APPL1: variants seen among roughly 807,000 people sequenced by gnomAD.
APPL1 encodes the protein DCC-interacting protein 13-alpha.
A neutral mutation model predicts 106.8 loss-of-function variants in APPL1; 42 were observed. The observed-to-expected ratio is 0.39, with a 90% CI of 0.31 to 0.51. The LOEUF (loss-of-function observed/expected upper bound fraction) is 0.51, where lower values mean the gene tolerates loss of function less well. APPL1 is among the 20% of genes least tolerant of loss of function. The pLI is 0.75. For synonymous variants in APPL1, 263 were observed against 281.8 expected (o/e 0.93, Z 0.67); for missense variants, 769 against 858.2 (o/e 0.90, Z 1.30).
intron 11 of APPL1, among the ~76,000 whole-genome samples, chr3:57,250,590 A>G (rs1160326229): frequency 3.9e-5 from 6 of 152,146 alleles, no homozygotes; most frequent in African/African-American, 1.4e-4. Context: ...TTGCCTTCCA[A>G]TTTTTAACTT....
chr3:57,264,569 A>T (rs897807464), intron 19 of APPL1, among the ~76,000 whole-genome samples: 14 of 146,524 alleles, frequency 9.6e-5, no homozygotes, highest in African/African-American at 3.5e-4. Flanking sequence ...AATTTAAAAA[A>T]AAATAAAAAA....
In APPL1 at chr3:57,240,525, A is replaced by G. The variant is rs760903564; in HGVS notation, c.346A>G (p.Thr116Ala). Residue 116 changes from threonine (T) to alanine (A), a missense_variant, in exon 5 of 22, where the codon ACC becomes GCC. Coordinates refer to ENST00000288266, the MANE Select transcript of APPL1 (RefSeq NM_012096.3). ...QLADAMMFPITQFKERDLKEI... is the reference protein window; with the variant it reads ...QLADAMMFPIAQFKERDLKEI... The stretch of plus-strand genomic sequence containing the variant: ...TGCTGATGCCATGATGTTCCCCATT[A>G]CCCAGTTTAAAGAAAGAGATCTGAA... The G allele has an allele frequency of 6.2e-7, 1 of 1,613,696 alleles. No homozygotes were observed. Among genetic ancestry groups the G allele is most frequent in the African/African-American group, 1.3e-5 (1 of 74,888 alleles).
chr3:57,259,875 G>T lies in APPL1; in HGVS notation c.1514G>T (p.Arg505Leu), dbSNP rs1356993102. Reference protein sequence around the residue: ...DSILHQLFIVRFLGSMEVKSD... With the variant: ...DSILHQLFIVLFLGSMEVKSD... ...ATTCTTCATCAGTTATTTATTGTCC[G>T]ATTCCTTGGTTCAATGGAGGTGAAA... The change falls in exon 17 of 22, where the codon CGA becomes CTA. Residue 505 changes from arginine to leucine, a missense_variant. Transcript: ENST00000288266. The T allele has an allele frequency of 1.2e-6, 2 of 1,607,242 alleles. No homozygotes were observed. The highest frequency in any genetic ancestry group is 1.7e-6 in the Non-Finnish European group (2 of 1,178,170).
Position 57,248,211 on chromosome 3 carries a change from C to G in APPL1, c.723C>G (p.Asp241Glu). The G allele has an allele frequency of 1.2e-6, 2 of 1,612,314 alleles. No individual in the cohort carries two copies. Among genetic ancestry groups the G allele is most frequent in the Non-Finnish European group, 1.7e-6 (2 of 1,179,074 alleles). The change falls in exon 10 of 22, where the codon GAC (aspartate) becomes GAG (glutamate). Residue 241 changes from aspartate to glutamate, a missense_variant. Physicochemically the swap from Asp to Glu is conservative, Grantham distance 45. Transcript: ENST00000288266. ...GTGTCAGTGTTCGCAGGGAAATGGACAGTGATATAGAGACCATGCAACAGA... is the reference window on the plus strand; with the variant it reads ...GTGTCAGTGTTCGCAGGGAAATGGAGAGTGATATAGAGACCATGCAACAGA... ...TSVQNVRREM[D>E]SDIETMQQTI...
chr3:57,267,592 T>G (rs538211187), intron 19 of APPL1, 150 bp from the exon 20 acceptor site: 5 of 669,258 alleles, frequency 7.5e-6, no homozygotes, highest in Non-Finnish European at 1.3e-5. Flanking sequence ...AAGCCTTGGT[T>G]TGGGGGCTTG....
chr3:57,247,303 C>G (rs967514942), intron 8 of APPL1, 92 bp from the exon 9 acceptor site: 1 of 678,778 alleles, frequency 1.5e-6, no homozygotes, highest in African/African-American at 1.9e-5. Context: ...TTTACTTAAC[C>G]ATGTGTCTTA....
intron 14 of APPL1, 34 bp downstream of exon 14, chr3:57,257,085 G>C: frequency 6.2e-7 from 1 of 1,600,134 alleles, no homozygotes; most frequent in Non-Finnish European, 8.6e-7. Context: ...TAAAGAAGGA[G>C]ATGGGCTATT....
At chr3:57,234,846 G>A (rs1164551894) in intron 1 of APPL1, among the ~76,000 whole-genome samples, 4 of 151,100 alleles carry the variant, frequency 2.6e-5, no homozygotes, top group South Asian at 4.2e-4. Flanking sequence ...TAGTAGAAAC[G>A]GGGTTTCACT....
chr3:57,242,976 T>C, intron 7 of APPL1, 62 bp downstream of exon 7: 1 of 1,265,206 alleles, frequency 7.9e-7, no homozygotes, highest in South Asian at 1.3e-5. Context: ...GTTTAGTTTT[T>C]CCTCTATCAA....
In APPL1 at chr3:57,230,840, G is replaced by A. The variant is rs188603448; in HGVS notation, c.54+2903G>A. The stretch of plus-strand genomic sequence containing the variant: ...GTTGGATTGCAGTGGCACAGCCATA[G>A]CTCTGAAACCTCAAACTCCTGGGCA... On this transcript the variant is annotated intron_variant, in intron 1 of 21. Transcript: ENST00000288266. 6 of 424,600 alleles carry A rather than the reference G, an allele frequency of 1.4e-5. No individual in the cohort carries two copies. The East Asian group carries it at 3.8e-4, about 27-fold the overall frequency. 26.3% of individuals were successfully genotyped at this position (424,600 alleles called of 1,614,324 possible).
intron 1 of APPL1, among the ~76,000 whole-genome samples, chr3:57,230,519 A>G (rs939332223): frequency 2.6e-5 from 4 of 152,216 alleles, no homozygotes; most frequent in African/African-American, 9.6e-5. Context: ...TTTTAACTTA[A>G]CATTATCACT....
At chr3:57,254,671 C>G (rs2060825451) in intron 13 of APPL1, among the ~76,000 whole-genome samples, 1 of 152,230 alleles carries the variant, frequency 6.6e-6, no homozygotes, top group South Asian at 2.1e-4. Flanking sequence ...GTTGCCCAGA[C>G]TGGAGTGCAG....
Position 57,227,785 on chromosome 3 carries a change from G to C in APPL1, c.-99G>C. On this transcript the variant is annotated 5_prime_UTR_variant, in exon 1 of 22. Transcript: ENST00000288266. The stretch of plus-strand genomic sequence containing the variant: ...GCGGGCGGGGACGGCTGCAGCCCTT[G>C]CCGGAGAGGGCGGGCCGGGGTCAGC... 9.1e-7 allele frequency: 1 copy of C among 1,094,010 alleles called. No individual in the cohort carries two copies. Among genetic ancestry groups the C allele is most frequent in the Non-Finnish European group, 1.2e-6 (1 of 821,030 alleles). The allele number at this position is 1,094,010 out of a possible 1,614,324, so 67.8% of individuals were successfully genotyped here. A position where few individuals can be genotyped will look rare whatever the true frequency, so the allele number is the denominator to read the frequency against.
intron 7 of APPL1, among the ~76,000 whole-genome samples, chr3:57,244,777 A>G (rs2060764220): frequency 6.6e-6 from 1 of 152,242 alleles, no homozygotes; most frequent in Non-Finnish European, 1.5e-5. Context: ...CAAACATACT[A>G]ATGAAAATGT....
At chr3:57,267,175 C>T (rs1158976336) in intron 19 of APPL1, among the ~76,000 whole-genome samples, 2 of 152,122 alleles carry the variant, frequency 1.3e-5, no homozygotes, top group African/African-American at 2.4e-5. Context: ...TCTCTTTCAT[C>T]AGTGTTTTGT....
chr3:57,263,190 C>T (rs2060876741), intron 19 of APPL1, among the ~76,000 whole-genome samples: 1 of 152,138 alleles, frequency 6.6e-6, no homozygotes, highest in South Asian at 2.1e-4. Context: ...TATTTTGCTA[C>T]ACTTATGCAA....
At chr3:57,243,431 G>A (rs1332957249) in intron 7 of APPL1, among the ~76,000 whole-genome samples, 2 of 152,194 alleles carry the variant, frequency 1.3e-5, no homozygotes, top group Non-Finnish European at 2.9e-5. Flanking sequence ...TTTTGGGCGT[G>A]CCTTAAGATC....
rs1429016196 is a variant in APPL1 at position 57,257,050 on chromosome 3, G to A, written c.1246G>A (p.Gly416Arg). The change falls in exon 14 of 22, where the codon GGA (glycine) becomes AGA (arginine). Residue 416 changes from glycine to arginine, a missense_variant and splice_region_variant. By Grantham distance (125) the Gly-to-Arg change is moderately radical (BLOSUM62 -2). Transcript: ENST00000288266. ...QRHESLRPAA[G>R]QSRPPTARTS... ...GCACGAGAGCCTGCGGCCAGCAGCAGGGTAAGTTACCACACTGAGTTATTT... is the reference window on the plus strand; with the variant it reads ...GCACGAGAGCCTGCGGCCAGCAGCAAGGTAAGTTACCACACTGAGTTATTT... 3.7e-6 allele frequency: 6 copies of A among 1,613,950 alleles called. No homozygotes were observed. Among genetic ancestry groups the A allele is most frequent in the Non-Finnish European group, 5.1e-6 (6 of 1,179,966 alleles).
rs963230039 is a variant in APPL1, at chr3:57,239,625, T to A, written c.286-840T>A. ...CAAATAATGTTATTATGAGCATTCA[T>A]ATACAAGATTGTTTTTTTTGTTTTG... On this transcript the variant is annotated intron_variant, in intron 4 of 21. Transcript: ENST00000288266. 7.9e-5 allele frequency among the ~76,000 whole-genome samples: 12 copies of A among 152,248 alleles called. 1 individual carries two copies. Among genetic ancestry groups the A allele is most frequent in the Admixed American group, 7.9e-4 (12 of 15,286 alleles).
Sources: allele counts gnomAD v4.1 joint callset (sites outside exome capture counted in the v4.1 genomes callset), GRCh38; gene constraint gnomAD v4.1.1; transcripts MANE v1.5; gene names NCBI Gene and HGNC (gene_info 2026-07-23, HGNC 2026-07-21).